The following PDE10A variants were observed in gnomAD, a reference collection of about 807,000 sequenced individuals.
The protein encoded by PDE10A is cAMP and cAMP-inhibited cGMP 3',5'-cyclic phosphodiesterase 10A.
PDE10A carries 39 observed loss-of-function variants against 97.7 expected under a neutral mutation model. The observed-to-expected ratio is 0.40, with a 90% CI of 0.31 to 0.52. PDE10A has a LOEUF of 0.52. PDE10A is among the 20% of genes least tolerant of loss of function. PDE10A has a pLI of 0.56. For synonymous variants in PDE10A, 371 were observed against 376.8 expected (o/e 0.98, Z 0.18); for missense variants, 731 against 1,047.8 (o/e 0.70, Z 4.17).
chr6:165,607,617 G>A (rs1039273421), intron 1 of PDE10A, among the ~76,000 whole-genome samples: 6 of 152,112 alleles, frequency 3.9e-5, no homozygotes, highest in African/African-American at 1.4e-4. Context: ...ATCATTAAGC[G>A]ACACATAACT....
chr6:165,689,919 G>A (rs1041992119), intron 1 of PDE10A, among the ~76,000 whole-genome samples: 2 of 152,288 alleles, frequency 1.3e-5, no homozygotes, highest in East Asian at 1.9e-4. Flanking sequence ...TACAATGTGA[G>A]CACTCAGCAT....
In PDE10A at chr6:165,541,511, G is replaced by A. The variant is rs146610083; in HGVS notation, c.994+1929C>T. On this transcript the variant is annotated intron_variant, in intron 2 of 21. Transcript: ENST00000539869. ...GAAAATTCAAGAGTTAGTTTTTATG[G>A]TAGCACTACAATAGGTTCTAGGACC... Among the ~76,000 whole-genome samples, 4 of 152,250 alleles carry A rather than the reference G, an allele frequency of 2.6e-5. No homozygotes were observed. The East Asian group carries it at 5.8e-4, about 22-fold the overall frequency.
intron 2 of PDE10A, among the ~76,000 whole-genome samples, chr6:165,504,411 A>C (rs1232121845): frequency 1.3e-5 from 2 of 152,206 alleles, no homozygotes; most frequent in Non-Finnish European, 2.9e-5. Flanking sequence ...AACTTAGATA[A>C]ATGATTGAAT....
At chr6:165,664,797 GTGTTTAT>G (rs1790456476), upstream of PDE10A, among the ~76,000 whole-genome samples, 1 of 152,208 alleles carries the variant, frequency 6.6e-6, no homozygotes, top group South Asian at 2.1e-4. Flanking sequence ...TTCTCCTCAA[GTGTTTAT>G]TGTTTATTCC....
intron 1 of PDE10A, among the ~76,000 whole-genome samples, chr6:165,640,366 G>T (rs1030682615): frequency 3.9e-5 from 6 of 151,988 alleles, no homozygotes; most frequent in African/African-American, 1.5e-4. Flanking sequence ...CAGCAAACAG[G>T]TATATTAAAC....
intron 1 of PDE10A, among the ~76,000 whole-genome samples, chr6:165,554,089 C>G (rs1784138971): frequency 1.3e-5 from 2 of 152,052 alleles, no homozygotes; most frequent in Admixed American, 1.3e-4. Flanking sequence ...GGCTATTTTC[C>G]TTAAGAAAGT....
rs532346639 is a variant in PDE10A, at chr6:165,471,445, CT to C, written c.1023+10869del. On this transcript the variant is annotated intron_variant, in intron 3 of 21. Coordinates refer to ENST00000539869, the MANE Select transcript of PDE10A (RefSeq NM_001385079.1). ...TATATCTCTAACCCAGAACGTTTAC[CT>C]AAACTCCAGTCTCATATATACAACT... 5.2e-3 allele frequency among the ~76,000 whole-genome samples: 798 copies of C among 152,164 alleles called. 4 individuals are homozygous for C. Among genetic ancestry groups the C allele is most frequent in the African/African-American group, 0.018 (759 of 41,490 alleles).
chr6:165,430,609 G>C (rs1177012190), intron 8 of PDE10A, among the ~76,000 whole-genome samples: 1 of 114,978 alleles, frequency 8.7e-6, no homozygotes. Context: ...GACTTATAAA[G>C]ATGTTAAGAA....
chr6:165,404,607 G>A (rs1583208289), intron 13 of PDE10A, among the ~76,000 whole-genome samples: 1 of 152,082 alleles, frequency 6.6e-6, no homozygotes, highest in Admixed American at 6.6e-5. Context: ...ATCTGAGCAT[G>A]AGGGTCTCTC....
chr6:165,598,918 A>G (rs551922901), intron 1 of PDE10A, among the ~76,000 whole-genome samples: 20 of 152,288 alleles, frequency 1.3e-4, no homozygotes, highest in Non-Finnish European at 2.5e-4. Flanking sequence ...CTCCCTGTAC[A>G]TGTCCAGTTC....
intron 1 of PDE10A, among the ~76,000 whole-genome samples, chr6:165,970,905 GGGA>G (rs1194030975): frequency 2.8e-4 from 43 of 152,306 alleles, no homozygotes; most frequent in African/African-American, 9.9e-4. Flanking sequence ...CCAGCACTTT[GGGA>G]GGCCAAGGCA....
chr6:165,924,939 CAT>C (rs1001412355), intron 1 of PDE10A, among the ~76,000 whole-genome samples: 1 of 152,190 alleles, frequency 6.6e-6, no homozygotes, highest in African/African-American at 2.4e-5. Flanking sequence ...AAATTAGACA[CAT>C]GTGCTGTGCA....
Position 165,671,002 on chromosome 6 carries a change from T to C in PDE10A, c.-614-127434A>G, listed in dbSNP as rs1790632431. Among the ~76,000 whole-genome samples, 1 of 152,214 alleles carries C rather than the reference T, an allele frequency of 6.6e-6. No individual in the cohort carries two copies. The highest frequency in any genetic ancestry group is 2.4e-5 in the African/African-American group (1 of 41,452). The stretch of plus-strand genomic sequence containing the variant: ...CTTCTAATTTTTGGAGTCTAACAAA[T>C]GGCACTTTATACGTCTACAGACTAG... On this transcript the variant is annotated intron_variant, in intron 1 of 19. Coordinates refer to the PDE10A transcript ENST00000366882. This position sits in a 1 kb window ranked among gnomAD's most constrained non-coding sequence, Gnocchi z 4.6.
chr6:165,723,507 G>C (rs146949505), intron 1 of PDE10A, among the ~76,000 whole-genome samples: 1 of 152,140 alleles, frequency 6.6e-6, no homozygotes. Context: ...TGCTCCTGAC[G>C]GCACAGGCAG....
chr6:165,727,959 GTTTT>G (rs369750422), intron 1 of PDE10A, among the ~76,000 whole-genome samples: 3,758 of 152,192 alleles, frequency 0.025, 48 homozygotes, highest in South Asian at 0.04. Context: ...GTTGTGTTTT[GTTTT>G]TTTATTTGTT....
intron 1 of PDE10A, among the ~76,000 whole-genome samples, chr6:165,595,091 C>G (rs1485166057): frequency 2.6e-5 from 4 of 152,176 alleles, no homozygotes; most frequent in Admixed American, 6.5e-5. Flanking sequence ...ACTGCAGGAG[C>G]CTGGCAATCC....
At chr6:165,664,340 C>T (rs1283794961), upstream of PDE10A, among the ~76,000 whole-genome samples, 3 of 152,110 alleles carry the variant, frequency 2.0e-5, no homozygotes, top group African/African-American at 4.8e-5. Flanking sequence ...ATGCTTTCCC[C>T]GACTCCCATC....
At chr6:165,680,552 T>C (rs1790946593) in intron 1 of PDE10A, among the ~76,000 whole-genome samples, 1 of 152,216 alleles carries the variant, frequency 6.6e-6, no homozygotes, top group Admixed American at 6.5e-5. Flanking sequence ...GATAGAGGAA[T>C]CTTGGACAAT....
chr6:165,617,570 T>C (rs566599505), intron 1 of PDE10A, among the ~76,000 whole-genome samples: 2 of 152,184 alleles, frequency 1.3e-5, no homozygotes, highest in African/African-American at 4.8e-5. Context: ...GTGGGAGTAA[T>C]GGAGACCTCG....
Sources: gnomAD v4.1 joint callset for allele counts (sites outside exome capture counted in the v4.1 genomes callset) on GRCh38, gnomAD v4.1.1 for gene constraint, Gnocchi (gnomAD v3.1) non-coding constraint, MANE v1.5 for transcripts, NCBI Gene and HGNC (gene_info 2026-07-23, HGNC 2026-07-21) for gene names.